Variants in ACTR3C observed in about 807,000 individuals in gnomAD.
ACTR3C encodes actin related protein 3C.
ACTR3C carries 18 observed loss-of-function variants against 26.3 expected under a neutral mutation model. The ratio of observed to expected loss-of-function variants is 0.68; its 90% CI spans 0.47 to 1.01. The LOEUF is 1.01. Among genes scored for constraint, ACTR3C ranks in the 50% least tolerant of loss-of-function variants. ACTR3C has a pLI of 0.00. For synonymous variants in ACTR3C, 55 were observed against 94.5 expected (o/e 0.58, Z 2.42); for missense variants, 184 against 250.7 (o/e 0.73, Z 1.80).
At chr7:150,296,951 A>T (rs1450345569) in intron 1 of ACTR3C, among the ~76,000 whole-genome samples, 5 of 151,760 alleles carry the variant, frequency 3.3e-5, no homozygotes, top group Non-Finnish European at 5.9e-5. Flanking sequence ...CCAGGAGCCA[A>T]CCCCGACGGC....
chr7:149,975,073 C>T, the ACTR3C span, among the ~76,000 whole-genome samples: 1 of 152,172 alleles, frequency 6.6e-6, no homozygotes, highest in African/African-American at 2.4e-5. Context: ...TAGACTCCGC[C>T]AAGCCCAGCA....
intron 1 of ACTR3C, among the ~76,000 whole-genome samples, chr7:150,315,032 TA>T (rs1380471503): frequency 2.7e-5 from 4 of 147,360 alleles, no homozygotes; most frequent in African/African-American, 9.8e-5. Flanking sequence ...TATTTATAAA[TA>T]ATATTAATAA....
intron 6 of ACTR3C, among the ~76,000 whole-genome samples, chr7:150,276,757 T>C (rs1181922139): frequency 6.6e-6 from 1 of 152,216 alleles, no homozygotes; most frequent in East Asian, 1.9e-4. Context: ...TGCTCACCCC[T>C]GTGTGGTGAA....
At chr7:150,304,492 A>G (rs1795656889) in intron 1 of ACTR3C, among the ~76,000 whole-genome samples, 1 of 152,124 alleles carries the variant, frequency 6.6e-6, no homozygotes, top group African/African-American at 2.4e-5. Flanking sequence ...CGTGAATGCT[A>G]CTGACTCCTA....
the ACTR3C span, among the ~76,000 whole-genome samples, chr7:150,118,391 T>C: frequency 0.025 from 3,820 of 151,674 alleles, 168 homozygotes; most frequent in African/African-American, 0.086. Flanking sequence ...AGAACATAAA[T>C]GACCTGATGG....
intron 1 of ACTR3C, among the ~76,000 whole-genome samples, chr7:150,318,142 G>A (rs575144947): frequency 1.3e-5 from 2 of 152,134 alleles, no homozygotes; most frequent in Non-Finnish European, 2.9e-5. Context: ...AAGCTATGAC[G>A]GTGAAAAGCA....
the ACTR3C span, among the ~76,000 whole-genome samples, chr7:150,117,295 C>CTGAGCT: frequency 6.6e-6 from 1 of 152,218 alleles, no homozygotes; most frequent in Non-Finnish European, 1.5e-5. Flanking sequence ...CTCAGCGGAG[C>CTGAGCT]CCATCTCCAT....
the ACTR3C span, among the ~76,000 whole-genome samples, chr7:149,904,061 A>G: frequency 8.0e-6 from 1 of 124,338 alleles, no homozygotes; most frequent in Non-Finnish European, 1.9e-5. Context: ...CTGGGATTAC[A>G]GGTGTGAGCC....
At chr7:150,104,089 T>A in the ACTR3C span, among the ~76,000 whole-genome samples, 1 of 151,700 alleles carries the variant, frequency 6.6e-6, no homozygotes, top group East Asian at 1.9e-4. Context: ...ACTTTTCCAG[T>A]CTTTTTTCTA....
the ACTR3C span, among the ~76,000 whole-genome samples, chr7:150,113,489 G>A: frequency 6.6e-6 from 1 of 152,248 alleles, no homozygotes; most frequent in South Asian, 2.1e-4. Context: ...GTGATTCAAC[G>A]TAAGTAAATT....
chr7:150,009,083 T>A, the ACTR3C span, among the ~76,000 whole-genome samples: 2 of 152,088 alleles, frequency 1.3e-5, no homozygotes, highest in Non-Finnish European at 1.5e-5. Context: ...GGGCCAGAAG[T>A]GGGGATGTTA....
chr7:150,059,661 C>T, the ACTR3C span, among the ~76,000 whole-genome samples: 2 of 152,134 alleles, frequency 1.3e-5, no homozygotes, highest in African/African-American at 2.4e-5. Context: ...TTTAAAATAA[C>T]ACTCTTATGT....
At chr7:150,163,825 C>T in the ACTR3C span, among the ~76,000 whole-genome samples, 1 of 152,004 alleles carries the variant, frequency 6.6e-6, no homozygotes, top group East Asian at 1.9e-4. Flanking sequence ...TTTGAGTCCG[C>T]CTCCATGGAC....
At chr7:150,169,152 T>C in the ACTR3C span, among the ~76,000 whole-genome samples, 967 of 149,632 alleles carry the variant, frequency 6.5e-3, 52 homozygotes, top group African/African-American at 0.019. Flanking sequence ...GAGGCCGAGG[T>C]GGGCACATCA....
At chr7:150,021,403 G>A in the ACTR3C span, among the ~76,000 whole-genome samples, 53 of 151,454 alleles carry the variant, frequency 3.5e-4, 1 homozygote, top group African/African-American at 1.2e-3. Flanking sequence ...AAATAAGGAG[G>A]TGTAGGTTCT....
intron 1 of ACTR3C, among the ~76,000 whole-genome samples, chr7:150,320,672 A>G (rs1477307376): frequency 1.3e-5 from 2 of 152,366 alleles, no homozygotes; most frequent in East Asian, 1.9e-4. Context: ...CTGAAGCAGG[A>G]GAATCACTTG....
chr7:150,181,665 G>A, the ACTR3C span, among the ~76,000 whole-genome samples: 3 of 150,348 alleles, frequency 2.0e-5, no homozygotes, highest in Admixed American at 2.0e-4. Flanking sequence ...TGATTTGTGG[G>A]GCACTACCAT....
intron 6 of ACTR3C, among the ~76,000 whole-genome samples, chr7:150,252,532 T>A (rs1252742706): frequency 6.6e-6 from 1 of 152,170 alleles, no homozygotes; most frequent in African/African-American, 2.4e-5. Context: ...TACATGATAC[T>A]AAGCATACCA....
chr7:150,038,851 C>G, the ACTR3C span, among the ~76,000 whole-genome samples: 211 of 118,550 alleles, frequency 1.8e-3, no homozygotes, highest in African/African-American at 3.7e-3. Flanking sequence ...GTGGGGGAAC[C>G]AGGGGCTGGC....
Sources: gnomAD v4.1 joint callset for allele counts (sites outside exome capture counted in the v4.1 genomes callset) on GRCh38, gnomAD v4.1.1 for gene constraint, MANE v1.5 for transcripts, NCBI Gene and HGNC (gene_info 2026-07-23, HGNC 2026-07-21) for gene names.